AKAP19: variants seen among roughly 807,000 people sequenced by gnomAD.
The protein encoded by AKAP19 is A-kinase anchoring protein 19, also known as small A-kinase anchoring protein.
chr2:190,124,145 G>A, the AKAP19 span, among the ~76,000 whole-genome samples: 1 of 152,178 alleles, frequency 6.6e-6, no homozygotes, highest in Non-Finnish European at 1.5e-5. Context: ...ATTGCAGATG[G>A]CCTGTCATGG....
chr2:190,030,160 T>G, the AKAP19 span, among the ~76,000 whole-genome samples: 1 of 152,212 alleles, frequency 6.6e-6, no homozygotes, highest in Admixed American at 6.5e-5. Flanking sequence ...AATCACCTCA[T>G]GTCCATGTTA....
the AKAP19 span, among the ~76,000 whole-genome samples, chr2:189,914,419 T>C: frequency 6.6e-6 from 1 of 152,078 alleles, no homozygotes; most frequent in Non-Finnish European, 1.5e-5. Context: ...ATTTTATTTG[T>C]TTATTTTTCT....
At chr2:189,919,673 G>A in the AKAP19 span, among the ~76,000 whole-genome samples, 2 of 152,142 alleles carry the variant, frequency 1.3e-5, no homozygotes, top group Admixed American at 6.5e-5. Context: ...TGTTTGCTGA[G>A]GATGATGGCT....
the AKAP19 span, among the ~76,000 whole-genome samples, chr2:190,069,175 T>TGTGTGAGAGA: frequency 1.9e-4 from 23 of 123,538 alleles, no homozygotes; most frequent in African/African-American, 6.5e-4. Flanking sequence ...TGTGTGTGTG[T>TGTGTGAGAGA]GAGAGAGAGA....
the AKAP19 span, among the ~76,000 whole-genome samples, chr2:189,985,488 C>A: frequency 6.6e-6 from 1 of 152,172 alleles, no homozygotes; most frequent in East Asian, 1.9e-4. Context: ...GTCGGGAATG[C>A]ATATGTCCGT....
the AKAP19 span, among the ~76,000 whole-genome samples, chr2:189,984,972 A>G: frequency 1.3e-5 from 2 of 152,064 alleles, no homozygotes; most frequent in African/African-American, 2.4e-5. Flanking sequence ...AGACACACCT[A>G]TGCAAGCTGG....
At chr2:189,982,986 G>T in the AKAP19 span, among the ~76,000 whole-genome samples, 2 of 152,140 alleles carry the variant, frequency 1.3e-5, no homozygotes, top group Non-Finnish European at 2.9e-5. Flanking sequence ...TAATCCAGTA[G>T]ATGGCACTGA....
the AKAP19 span, among the ~76,000 whole-genome samples, chr2:190,103,033 T>C: frequency 6.6e-6 from 1 of 152,086 alleles, no homozygotes; most frequent in South Asian, 2.1e-4. Context: ...ACAAGGCTGG[T>C]TCAACATATG....
At chr2:190,074,424 G>A in the AKAP19 span, among the ~76,000 whole-genome samples, 1 of 152,042 alleles carries the variant, frequency 6.6e-6, no homozygotes, top group Non-Finnish European at 1.5e-5. Context: ...AAGCTGAGGC[G>A]GGTGGACCAT....
At chr2:189,973,888 T>G in the AKAP19 span, among the ~76,000 whole-genome samples, 2 of 152,122 alleles carry the variant, frequency 1.3e-5, no homozygotes, top group African/African-American at 4.8e-5. Context: ...TTATTAGTCT[T>G]GCTAGCAGTC....
chr2:189,911,415 T>TA, the AKAP19 span, among the ~76,000 whole-genome samples: 5 of 152,112 alleles, frequency 3.3e-5, no homozygotes, highest in Admixed American at 6.5e-5. Context: ...CTTACTTTCC[T>TA]AAAATTTTTC....
the AKAP19 span, among the ~76,000 whole-genome samples, chr2:189,916,165 A>G: frequency 6.6e-6 from 1 of 152,136 alleles, no homozygotes; most frequent in South Asian, 2.1e-4. Context: ...GATCTTACGT[A>G]CTTTTCACCC....
At chr2:189,929,545 G>A in the AKAP19 span, among the ~76,000 whole-genome samples, 6 of 105,866 alleles carry the variant, frequency 5.7e-5, no homozygotes, top group Admixed American at 2.5e-4. Context: ...AATAGAGTTG[G>A]TTTATTGACA....
the AKAP19 span, among the ~76,000 whole-genome samples, chr2:190,169,287 C>A: frequency 6.6e-6 from 1 of 152,092 alleles, no homozygotes; most frequent in Non-Finnish European, 1.5e-5. Flanking sequence ...CCCACCGAGT[C>A]CCTTCCACAA....
At chr2:189,972,845 C>G in the AKAP19 span, among the ~76,000 whole-genome samples, 1 of 152,208 alleles carries the variant, frequency 6.6e-6, no homozygotes, top group Admixed American at 6.5e-5. Context: ...ATCCTGAGAC[C>G]TTGCTAAAGT....
chr2:190,003,439 T>A, the AKAP19 span, among the ~76,000 whole-genome samples: 2 of 152,318 alleles, frequency 1.3e-5, no homozygotes, highest in Admixed American at 1.3e-4. Flanking sequence ...AGTCTTTTCA[T>A]AGATTGAATT....
At chr2:189,997,453 T>G in the AKAP19 span, among the ~76,000 whole-genome samples, 2 of 152,120 alleles carry the variant, frequency 1.3e-5, no homozygotes. Flanking sequence ...GGGCAGGGCT[T>G]GCCACAGCCA....
At chr2:190,043,450 G>T in the AKAP19 span, among the ~76,000 whole-genome samples, 4 of 152,036 alleles carry the variant, frequency 2.6e-5, no homozygotes, top group South Asian at 2.1e-4. Flanking sequence ...TCTTCAGGTT[G>T]TGAGAGTCTT....
At chr2:189,907,842 A>T in the AKAP19 span, among the ~76,000 whole-genome samples, 1 of 152,160 alleles carries the variant, frequency 6.6e-6, no homozygotes, top group Non-Finnish European at 1.5e-5. Context: ...TATCCAACTT[A>T]TTGGCATACA....
Sources: gnomAD v4.1 joint callset for allele counts (sites outside exome capture counted in the v4.1 genomes callset) on GRCh38, gnomAD v4.1.1 for gene constraint, MANE v1.5 for transcripts, NCBI Gene and HGNC (gene_info 2026-07-23, HGNC 2026-07-21) for gene names.